Variants in ASIC2 observed in about 807,000 individuals in gnomAD.
ASIC2 encodes acid-sensing ion channel 2.
Under a neutral mutation model 57.3 loss-of-function variants are expected in ASIC2, and 25 were observed. The observed-to-expected ratio is 0.44, with a 90% CI of 0.32 to 0.61. The LOEUF (loss-of-function observed/expected upper bound fraction) is 0.61, where lower values mean the gene tolerates loss of function less well. ASIC2 is among the 20% of genes least tolerant of loss of function. ASIC2 has a pLI of 0.06. For missense variants in ASIC2, 641 were observed against 738.1 expected (o/e 0.87, Z 1.52); for synonymous variants, 319 against 307.5 (o/e 1.04, Z -0.39).
chr17:33,311,506 C>A (rs1444947493), intron 1 of ASIC2, among the ~76,000 whole-genome samples: 3 of 151,764 alleles, frequency 2.0e-5, no homozygotes, highest in South Asian at 4.2e-4. Context: ...GAATGCAGGG[C>A]AGCCCAGTTT....
At chr17:33,755,126 G>A (rs893279189) in intron 1 of ASIC2, among the ~76,000 whole-genome samples, 1 of 152,152 alleles carries the variant, frequency 6.6e-6, no homozygotes, top group Non-Finnish European at 1.5e-5. Flanking sequence ...CCTTATGAGA[G>A]GGCAGAGGAA....
chr17:34,115,636 G>C (rs1478228524), intron 1 of ASIC2, among the ~76,000 whole-genome samples: 1 of 152,064 alleles, frequency 6.6e-6, no homozygotes, highest in Non-Finnish European at 1.5e-5. Flanking sequence ...TCAAATATTT[G>C]CAAGTCTAAC....
In ASIC2 at chr17:33,841,758, T is replaced by C. The variant is rs376616868; in HGVS notation, c.555+314220A>G. On this transcript the variant is annotated intron_variant, in intron 1 of 9. Transcript: ENST00000359872. ...TTTGGTCATCATCACAAGAAATAATTGGGAAGATCTTGCTCTTGTGTCAAA... is the reference window on the plus strand; with the variant it reads ...TTTGGTCATCATCACAAGAAATAATCGGGAAGATCTTGCTCTTGTGTCAAA... Among the ~76,000 whole-genome samples, 278 of 152,146 alleles carry C rather than the reference T, an allele frequency of 1.8e-3. 2 individuals carry two copies. The highest frequency in any genetic ancestry group is 5.2e-3 in the African/African-American group (214 of 41,474).
rs188409922 is a variant in ASIC2, at chr17:33,627,571, G to T, written c.556-515504C>A. Among the ~76,000 whole-genome samples the T allele has an allele frequency of 1.7e-3, 253 of 152,266 alleles. 1 individual carries two copies. The highest frequency in any genetic ancestry group is 6.8e-3 in the Middle Eastern group (2 of 294). ...ATGAGCCTTGGGGCGGTGGTAGCAG[G>T]TGTGCTGAACTCTGGCTAGGTCTCC... On this transcript the variant is annotated intron_variant, in intron 1 of 9. Coordinates refer to the ASIC2 transcript ENST00000359872.
At chr17:34,074,674 A>T (rs529370757) in intron 1 of ASIC2, among the ~76,000 whole-genome samples, 1 of 152,150 alleles carries the variant, frequency 6.6e-6, no homozygotes, top group Non-Finnish European at 1.5e-5. Context: ...TTAGGAAGGC[A>T]GCATTACGTG....
intron 1 of ASIC2, among the ~76,000 whole-genome samples, chr17:33,638,113 A>G (rs976605303): frequency 2.0e-5 from 3 of 152,216 alleles, no homozygotes; most frequent in Non-Finnish European, 4.4e-5. Flanking sequence ...AGGTTCTTAT[A>G]ATAATGATGT....
intron 1 of ASIC2, among the ~76,000 whole-genome samples, chr17:33,606,108 T>C (rs1905227012): frequency 6.6e-6 from 1 of 152,230 alleles, no homozygotes; most frequent in African/African-American, 2.4e-5. Context: ...GTTATTAGTC[T>C]TCTCAGCTAC....
chr17:33,956,598 A>T (rs932056943), intron 1 of ASIC2, among the ~76,000 whole-genome samples: 3 of 152,108 alleles, frequency 2.0e-5, no homozygotes, highest in African/African-American at 2.4e-5. Flanking sequence ...CTTAAAACTC[A>T]CGTCACCAGG....
chr17:33,789,542 A>G (rs1195926901), intron 1 of ASIC2, among the ~76,000 whole-genome samples: 1 of 151,788 alleles, frequency 6.6e-6, no homozygotes, highest in Non-Finnish European at 1.5e-5. Context: ...CCTAACTTGT[A>G]TGGGCTCCCC....
At chr17:33,134,804 C>G (rs1194087859) in intron 1 of ASIC2, among the ~76,000 whole-genome samples, 1 of 150,314 alleles carries the variant, frequency 6.7e-6, no homozygotes, top group East Asian at 1.9e-4. Context: ...GGAACTCCAT[C>G]ATAGCCCCTG....
chr17:33,194,112 A>C (rs1008496912), intron 1 of ASIC2, among the ~76,000 whole-genome samples: 1 of 152,112 alleles, frequency 6.6e-6, no homozygotes, highest in Non-Finnish European at 1.5e-5. Flanking sequence ...CTGCCTTCTC[A>C]AATCATTCTA....
chr17:33,509,984 G>T (rs1002592054), intron 1 of ASIC2, among the ~76,000 whole-genome samples: 4 of 152,192 alleles, frequency 2.6e-5, no homozygotes, highest in East Asian at 3.9e-4. Context: ...CTGTAGTGGG[G>T]TTATGGAAAA....
At chr17:33,109,027 C>T (rs1471227722) in intron 2 of ASIC2, among the ~76,000 whole-genome samples, 1 of 152,134 alleles carries the variant, frequency 6.6e-6, no homozygotes, top group Non-Finnish European at 1.5e-5. Context: ...AAAAATGAAA[C>T]TGTATTAAAA....
At position 33,572,821 on chromosome 17, in the gene ASIC2, C is replaced by A. The variant is rs1379486546; in HGVS notation, c.556-460754G>T. ...TGTACCTGCTTTGTGCCTTCCCCTG[C>A]TCCATAGCCTGGCCTGGCTGGAAGC... On this transcript the variant is annotated intron_variant, in intron 1 of 9. Transcript: ENST00000359872. Among the ~76,000 whole-genome samples the A allele has an allele frequency of 3.9e-5, 6 of 152,362 alleles. No individual in the cohort carries two copies. The South Asian group carries it at 1.0e-3, about 26-fold the overall frequency.
intron 1 of ASIC2, among the ~76,000 whole-genome samples, chr17:33,877,763 G>C (rs1424899093): frequency 6.6e-6 from 1 of 152,188 alleles, no homozygotes; most frequent in African/African-American, 2.4e-5. Context: ...GAGAGTAGTG[G>C]TTCTCCCAGC....
intron 1 of ASIC2, among the ~76,000 whole-genome samples, chr17:33,302,649 T>A (rs1050801981): frequency 2.0e-5 from 3 of 152,214 alleles, no homozygotes; most frequent in Non-Finnish European, 4.4e-5. Context: ...GCCAAACCAC[T>A]TCCTCTGGTT....
intron 1 of ASIC2, among the ~76,000 whole-genome samples, chr17:33,227,536 C>T (rs1907935164): frequency 6.6e-6 from 1 of 152,144 alleles, no homozygotes; most frequent in South Asian, 2.1e-4. Context: ...TGGGCTGTAA[C>T]TGTGAAGCCA....
intron 1 of ASIC2, among the ~76,000 whole-genome samples, chr17:33,551,098 A>G (rs1321386446): frequency 1.3e-5 from 2 of 152,248 alleles, no homozygotes; most frequent in Non-Finnish European, 2.9e-5. Flanking sequence ...CTTGAATACC[A>G]AGAAAGTGTA....
intron 1 of ASIC2, among the ~76,000 whole-genome samples, chr17:33,714,329 A>G (rs1385097587): frequency 1.3e-5 from 2 of 152,236 alleles, no homozygotes; most frequent in African/African-American, 4.8e-5. Context: ...CATTGTGTGT[A>G]ATGACAAAAT....
Sources: gnomAD v4.1 joint callset for allele counts (sites outside exome capture counted in the v4.1 genomes callset) on GRCh38, gnomAD v4.1.1 for gene constraint, MANE v1.5 for transcripts, NCBI Gene and HGNC (gene_info 2026-07-23, HGNC 2026-07-21) for gene names.